PLCG2: variants seen among roughly 807,000 people sequenced by gnomAD.
The protein encoded by PLCG2 is phospholipase C gamma 2.
A neutral mutation model predicts 175.6 loss-of-function variants in PLCG2; 69 were observed. The observed-to-expected ratio is 0.39, with a 90% CI of 0.32 to 0.48. PLCG2 has a LOEUF of 0.48. Among genes scored for constraint, PLCG2 ranks in the 20% least tolerant of loss-of-function variants. The probability of loss-of-function intolerance (pLI) is 0.91; values close to 1 mark genes in which losing one functional copy is unlikely to be tolerated. For synonymous variants in PLCG2, 827 were observed against 624.0 expected (o/e 1.33, Z -4.85); for missense variants, 1,798 against 1,650.9 (o/e 1.09, Z -1.54).
rs140335244 is a variant in PLCG2, at chr16:81,903,326, C to T, written c.1363-2077C>T. ...TCGTGGTTTGGTAGGGAGACAAACC[C>T]GTCAACAGAGAAACACCAAACAGTG... On this transcript the variant is annotated intron_variant, in intron 14 of 32. Coordinates refer to ENST00000564138, the MANE Select transcript of PLCG2 (RefSeq NM_002661.5). Among the ~76,000 whole-genome samples, 975 of 152,226 alleles carry T rather than the reference C, an allele frequency of 6.4e-3. 5 individuals are homozygous for T. Among genetic ancestry groups the T allele is most frequent in the Non-Finnish European group, 0.01 (686 of 68,024 alleles).
intron 2 of PLCG2, among the ~76,000 whole-genome samples, chr16:81,827,380 G>C (rs1369627444): frequency 6.6e-6 from 1 of 151,864 alleles, no homozygotes; most frequent in Non-Finnish European, 1.5e-5. Context: ...GTAGAGCTGG[G>C]GTTTTGCCAT....
intron 2 of PLCG2, among the ~76,000 whole-genome samples, chr16:81,796,408 G>C (rs1170527332): frequency 1.3e-5 from 2 of 152,260 alleles, no homozygotes; most frequent in African/African-American, 4.8e-5. Flanking sequence ...CTGCTTTGGA[G>C]ATCAGTATCC....
At chr16:81,927,735 T>C (rs4888189) in intron 23 of PLCG2, among the ~76,000 whole-genome samples, 6 of 151,996 alleles carry the variant, frequency 3.9e-5, no homozygotes, top group African/African-American at 1.5e-4. Context: ...TTCTAAGGGA[T>C]GTAGGGCAAT....
chr16:81,868,593 A>G (rs1324521547), intron 5 of PLCG2, among the ~76,000 whole-genome samples: 1 of 152,242 alleles, frequency 6.6e-6, no homozygotes, highest in Non-Finnish European at 1.5e-5. Flanking sequence ...GCATTTGGCT[A>G]CATGAAGAGT....
chr16:81,871,797 C>T (rs958540790), intron 7 of PLCG2, among the ~76,000 whole-genome samples: 3 of 152,118 alleles, frequency 2.0e-5, no homozygotes, highest in South Asian at 2.1e-4. Context: ...AATATATTAT[C>T]GGATTGTTTA....
At chr16:81,857,764 G>T (rs1197401305) in intron 3 of PLCG2, among the ~76,000 whole-genome samples, 1 of 152,190 alleles carries the variant, frequency 6.6e-6, no homozygotes, top group Non-Finnish European at 1.5e-5. Context: ...AATTCGGAAG[G>T]AATGCAAATA....
At chr16:81,780,233 C>T (rs1386603519) in intron 1 of PLCG2, among the ~76,000 whole-genome samples, 2 of 152,162 alleles carry the variant, frequency 1.3e-5, no homozygotes, top group Non-Finnish European at 2.9e-5. Context: ...TCAGTTCCAT[C>T]AGTGGGACCC....
intron 2 of PLCG2, among the ~76,000 whole-genome samples, chr16:81,853,216 A>G (rs1906508306): frequency 1.3e-5 from 2 of 152,204 alleles, no homozygotes; most frequent in South Asian, 2.1e-4. Flanking sequence ...CTGTAATCCC[A>G]GCTACTCCTG....
At chr16:81,940,411 T>C (rs1254941382) in intron 30 of PLCG2, among the ~76,000 whole-genome samples, 1 of 152,156 alleles carries the variant, frequency 6.6e-6, no homozygotes, top group Non-Finnish European at 1.5e-5. Context: ...TCCTGCTCTC[T>C]GGCTGGCAGT....
chr16:81,766,735 T>C (rs1910159342), intron 2 of PLCG2: 1 of 152,166 alleles, frequency 6.6e-6, no homozygotes, highest in African/African-American at 2.4e-5. Context: ...TTCTAGAACA[T>C]TCCCTGGAAC....
intron 2 of PLCG2, among the ~76,000 whole-genome samples, chr16:81,835,850 G>A (rs1323848026): frequency 2.0e-5 from 3 of 152,046 alleles, no homozygotes; most frequent in African/African-American, 7.2e-5. Flanking sequence ...GTGACCCTGG[G>A]TGTCCCTTGG....
At chr16:81,899,833 G>GAAACACAC (rs1260264199) in intron 13 of PLCG2, among the ~76,000 whole-genome samples, 1 of 152,068 alleles carries the variant, frequency 6.6e-6, no homozygotes, top group African/African-American at 2.4e-5. Context: ...TACCAAATCA[G>GAAACACAC]GTGTCTTTAA....
intron 1 of PLCG2, among the ~76,000 whole-genome samples, chr16:81,749,600 C>T (rs145923010): frequency 0.012 from 1,843 of 152,260 alleles, 16 homozygotes; most frequent in Admixed American, 0.017. Context: ...GTGATCCATC[C>T]GCCTTGGCCT....
At chr16:81,802,494 A>G (rs1401112045) in intron 2 of PLCG2, among the ~76,000 whole-genome samples, 1 of 152,074 alleles carries the variant, frequency 6.6e-6, no homozygotes, top group Admixed American at 6.6e-5. Flanking sequence ...TAGATATGTG[A>G]TATTGAATGT....
chr16:81,756,447 G>C (rs1909929389), intron 2 of PLCG2, among the ~76,000 whole-genome samples: 1 of 152,218 alleles, frequency 6.6e-6, no homozygotes, highest in African/African-American at 2.4e-5. Flanking sequence ...TTACAGATGA[G>C]GGAACGGAGG....
intron 2 of PLCG2, among the ~76,000 whole-genome samples, chr16:81,817,505 G>T (rs1465067846): frequency 6.6e-6 from 1 of 152,222 alleles, no homozygotes; most frequent in African/African-American, 2.4e-5. Context: ...AACGCCTTTT[G>T]TCAGCTGTGT....
intron 1 of PLCG2, among the ~76,000 whole-genome samples, chr16:81,780,298 A>C (rs1313932644): frequency 6.6e-6 from 1 of 152,112 alleles, no homozygotes; most frequent in African/African-American, 2.4e-5. Flanking sequence ...TACTGGAGCC[A>C]CCCAATTTTC....
At chr16:81,795,121 A>AAAGTAGTGAACAG (rs1567467967) in intron 2 of PLCG2, among the ~76,000 whole-genome samples, 1 of 152,244 alleles carries the variant, frequency 6.6e-6, no homozygotes, top group Non-Finnish European at 1.5e-5. Flanking sequence ...CACTGGGGAT[A>AAAGTAGTGAACAG]AAGTAGTGAA....
intron 1 of PLCG2, among the ~76,000 whole-genome samples, chr16:81,743,589 C>G (rs980899518): frequency 2.6e-5 from 4 of 152,186 alleles, no homozygotes; most frequent in Non-Finnish European, 4.4e-5. Flanking sequence ...GCACCCTGAG[C>G]TGATGAGAAC....
Sources: allele counts gnomAD v4.1 joint callset (sites outside exome capture counted in the v4.1 genomes callset), GRCh38; gene constraint gnomAD v4.1.1; transcripts MANE v1.5; gene names NCBI Gene and HGNC (gene_info 2026-07-23, HGNC 2026-07-21).